Variants in ATL2 observed in about 807,000 individuals in gnomAD.
The protein encoded by ATL2 is atlastin GTPase 2.
ATL2 carries 31 observed loss-of-function variants against 73.9 expected under a neutral mutation model. That is an observed-to-expected ratio of 0.42 (90% CI 0.32 to 0.57). ATL2 has a LOEUF of 0.57. Ranked by LOEUF, ATL2 falls within the 20% of genes least tolerant of loss-of-function variation. The probability of loss-of-function intolerance (pLI) is 0.14; values close to 1 mark genes in which losing one functional copy is unlikely to be tolerated. For synonymous variants in ATL2, 291 were observed against 237.5 expected, an observed-to-expected ratio of 1.23 and a Z score of -2.07; for missense variants, 738 against 702.6, an observed-to-expected ratio of 1.05 and a Z score of -0.57.
intron 2 of ATL2, among the ~76,000 whole-genome samples, chr2:38,329,264 C>T (rs558802877): frequency 2.0e-5 from 3 of 150,328 alleles, no homozygotes; most frequent in African/African-American, 7.3e-5. Context: ...CCCATCTCTA[C>T]TAAAAATACA....
chr2:38,377,774 A>G (rs1348902455), upstream of ATL2, among the ~76,000 whole-genome samples: 1 of 53,516 alleles, frequency 1.9e-5, no homozygotes, highest in African/African-American at 7.1e-5. Flanking sequence ...CTCTCTCCCC[A>G]TCCACCCCCC....
intron 1 of ATL2, among the ~76,000 whole-genome samples, 156 bp downstream of exon 1, chr2:38,376,987 G>A (rs942041082): frequency 6.6e-6 from 1 of 151,326 alleles, no homozygotes; most frequent in Admixed American, 6.6e-5. Flanking sequence ...GCGGGGCGCG[G>A]CTGAGGCTAG....
intron 1 of ATL2, among the ~76,000 whole-genome samples, chr2:38,366,698 T>C (rs969178451): frequency 3.9e-5 from 6 of 152,212 alleles, no homozygotes; most frequent in Admixed American, 1.3e-4. Context: ...CAAATATGCA[T>C]AAAGTCTCTA....
chr2:38,307,550 G>T (rs1183671136), intron 9 of ATL2, among the ~76,000 whole-genome samples: 1 of 151,960 alleles, frequency 6.6e-6, no homozygotes, highest in Non-Finnish European at 1.5e-5. Flanking sequence ...AAATTGGTCT[G>T]GTCTGGGAAA....
Position 38,299,181 on chromosome 2 carries a change from AATT to A in ATL2, c.1200+72_1200+74del. ...CACAAATTCGCTCAATTATTTAAAA[AATT>A]TTTTTAATTTTTTTTTTTTTAATTT... On this transcript the variant is annotated intron_variant, in intron 11 of 12. Coordinates refer to ENST00000378954, the MANE Select transcript of ATL2 (RefSeq NM_001135673.4). 3.0e-6 allele frequency: 4 copies of A among 1,343,376 alleles called. No homozygotes were observed. In the East Asian group the frequency reaches 1.2e-4, roughly 40 times the overall value. 83.2% of individuals were successfully genotyped at this position (1,343,376 alleles called of 1,614,324 possible).
chr2:38,303,786 A>G (rs137983679), intron 9 of ATL2, among the ~76,000 whole-genome samples: 3 of 152,304 alleles, frequency 2.0e-5, no homozygotes, highest in Non-Finnish European at 4.4e-5. Flanking sequence ...CTTGACCCAA[A>G]TAAGACTACC....
At chr2:38,309,654 C>T in intron 8 of ATL2, 148 bp from the exon 9 acceptor site, 1 of 818,812 alleles carries the variant, frequency 1.2e-6, no homozygotes, top group Non-Finnish European at 1.8e-6. Context: ...GCTCATCCAA[C>T]ATGCCATATC....
rs1044243719 is a variant in ATL2 at position 38,313,455 on chromosome 2, A to G, written c.712-212T>C. Among the ~76,000 whole-genome samples, 5 of 152,208 alleles carry G rather than the reference A, an allele frequency of 3.3e-5. No individual in the cohort carries two copies. The South Asian group carries it at 1.0e-3, about 32-fold the overall frequency. ...TATACCAAGCAATCGCTGCCACTGA[A>G]GAACTTCACTAAATATAAAGAAAGA... On this transcript the variant is annotated intron_variant, in intron 6 of 12. Transcript: ENST00000378954.
At chr2:38,372,515 C>A (rs956189894) in intron 1 of ATL2, among the ~76,000 whole-genome samples, 19 of 152,084 alleles carry the variant, frequency 1.2e-4, no homozygotes, top group African/African-American at 4.6e-4. Context: ...TACCAAGGGA[C>A]AACTGTACTT....
intron 9 of ATL2, among the ~76,000 whole-genome samples, chr2:38,302,979 T>G (rs1225408846): frequency 6.6e-6 from 1 of 151,996 alleles, no homozygotes; most frequent in Admixed American, 6.6e-5. Context: ...CAAACTGAAA[T>G]AAAGCACCAG....
intron 1 of ATL2, chr2:38,376,281 C>T (rs918628500): frequency 1.7e-5 from 23 of 1,355,752 alleles, no homozygotes; most frequent in Admixed American, 2.9e-5. Context: ...GAGGGATACA[C>T]TGCGCTGCCA....
At chr2:38,345,437 C>T (rs1002445096) in intron 1 of ATL2, among the ~76,000 whole-genome samples, 1 of 152,210 alleles carries the variant, frequency 6.6e-6, no homozygotes, top group Non-Finnish European at 1.5e-5. Flanking sequence ...AGAGCCTCTA[C>T]CTCCACATCA....
At chr2:38,319,676 C>CAT (rs1668215155) in intron 2 of ATL2, among the ~76,000 whole-genome samples, 1 of 151,762 alleles carries the variant, frequency 6.6e-6, no homozygotes. Context: ...ATAAAAAACT[C>CAT]GGCACCAATT....
chr2:38,377,448 C>T (rs1487564148), upstream of ATL2, among the ~76,000 whole-genome samples: 1 of 151,310 alleles, frequency 6.6e-6, no homozygotes, highest in African/African-American at 2.4e-5. Flanking sequence ...CCCGCCCCGC[C>T]CATCGCTCGC....
intron 1 of ATL2, among the ~76,000 whole-genome samples, chr2:38,367,366 G>C (rs1022725378): frequency 1.3e-5 from 2 of 151,464 alleles, no homozygotes; most frequent in Non-Finnish European, 2.9e-5. Flanking sequence ...CACTTTGGGA[G>C]GCCAAGGCGG....
At chr2:38,314,292 TATAA>T in intron 6 of ATL2, among the ~76,000 whole-genome samples, 1 of 152,134 alleles carries the variant, frequency 6.6e-6, no homozygotes, top group African/African-American at 2.4e-5. Flanking sequence ...AGTTACCACG[TATAA>T]AAAAAAAATG....
intron 2 of ATL2, among the ~76,000 whole-genome samples, chr2:38,340,792 T>C (rs574095572): frequency 6.6e-6 from 1 of 152,184 alleles, no homozygotes; most frequent in African/African-American, 2.4e-5. Flanking sequence ...ACCATTTAAA[T>C]GCAATTTTTG....
chr2:38,314,293 A>AT (rs1464238086), intron 6 of ATL2, among the ~76,000 whole-genome samples: 1 of 152,238 alleles, frequency 6.6e-6, no homozygotes, highest in African/African-American at 2.4e-5. Context: ...GTTACCACGT[A>AT]TAAAAAAAAA....
rs562145189 is a variant in ATL2, at chr2:38,356,564, A to G, written c.119-13052T>C. Among the ~76,000 whole-genome samples the G allele has an allele frequency of 7.2e-5, 11 of 152,330 alleles. No individual in the cohort carries two copies. The East Asian group carries it at 2.1e-3, about 29-fold the overall frequency. On this transcript the variant is annotated intron_variant, in intron 1 of 12. Coordinates refer to ENST00000378954, the MANE Select transcript of ATL2 (RefSeq NM_001135673.4). Reference sequence around the variant, plus strand: ...ACCTACAGCACATTTCAACTTAGACACTAAATGCTTATCAGAAACACATAA... The same window carrying G: ...ACCTACAGCACATTTCAACTTAGACGCTAAATGCTTATCAGAAACACATAA...
Sources: allele counts gnomAD v4.1 joint callset (sites outside exome capture counted in the v4.1 genomes callset), GRCh38; gene constraint gnomAD v4.1.1; transcripts MANE v1.5; gene names NCBI Gene and HGNC (gene_info 2026-07-23, HGNC 2026-07-21).